CUBN: variants seen among roughly 807,000 people sequenced by gnomAD.
CUBN encodes the protein cubilin.
A neutral mutation model predicts 405.3 loss-of-function variants in CUBN; 282 were observed. That is an observed-to-expected ratio of 0.70 (90% confidence interval 0.63 to 0.77). The LOEUF (loss-of-function observed/expected upper bound fraction) is 0.77, where lower values mean the gene tolerates loss of function less well. Ranked by LOEUF, CUBN falls within the 30% of genes least tolerant of loss-of-function variation. The pLI is 0.00. For synonymous variants in CUBN, 1,684 were observed against 1,617.0 expected (o/e 1.04, Z -0.99); for missense variants, 4,514 against 4,475.2 (o/e 1.01, Z -0.25).
At chr10:16,879,881 A>G (rs950091425) in intron 56 of CUBN, among the ~76,000 whole-genome samples, 1 of 152,222 alleles carries the variant, frequency 6.6e-6, no homozygotes, top group African/African-American at 2.4e-5. Flanking sequence ...CTCTTGCAAG[A>G]TGGTGCAACC....
intron 43 of CUBN, among the ~76,000 whole-genome samples, chr10:16,924,062 C>G (rs1375324165): frequency 6.6e-6 from 1 of 151,940 alleles, no homozygotes; most frequent in African/African-American, 2.4e-5. Context: ...CAGAGAGACC[C>G]TGTCTCAAGA....
chr10:16,828,694 C>G (rs45442894), intron 66 of CUBN, 111 bp downstream of exon 66: 2 of 869,072 alleles, frequency 2.3e-6, no homozygotes, highest in East Asian at 2.6e-5. Flanking sequence ...TGCACTCCAG[C>G]CTGGGTGACA....
At chr10:17,072,816 T>C (rs934253037) in intron 17 of CUBN, among the ~76,000 whole-genome samples, 1 of 152,152 alleles carries the variant, frequency 6.6e-6, no homozygotes, top group Non-Finnish European at 1.5e-5. Flanking sequence ...ATGTGAAATC[T>C]ATGTACAACT....
intron 26 of CUBN, among the ~76,000 whole-genome samples, chr10:17,043,112 C>T (rs1238202466): frequency 6.6e-6 from 1 of 152,064 alleles, no homozygotes; most frequent in African/African-American, 2.4e-5. Flanking sequence ...GGTTTAGAGA[C>T]CATCTAATTT....
At chr10:17,111,503 G>A (rs896317701) in intron 8 of CUBN, among the ~76,000 whole-genome samples, 2 of 152,132 alleles carry the variant, frequency 1.3e-5, no homozygotes, top group Non-Finnish European at 2.9e-5. Context: ...TAGAAGCATA[G>A]CTGAACACCT....
At chr10:16,970,791 T>G (rs1053163859) in intron 31 of CUBN, among the ~76,000 whole-genome samples, 1 of 152,150 alleles carries the variant, frequency 6.6e-6, no homozygotes. Context: ...TTTCTGGATC[T>G]CAGTATCTTT....
At chr10:16,960,978 T>C (rs1481863509) in intron 31 of CUBN, among the ~76,000 whole-genome samples, 1 of 152,188 alleles carries the variant, frequency 6.6e-6, no homozygotes, top group African/African-American at 2.4e-5. Context: ...TCTGAACACA[T>C]GATATATTAT....
chr10:17,066,917 A>G (rs1835623320), intron 21 of CUBN, among the ~76,000 whole-genome samples: 2 of 152,134 alleles, frequency 1.3e-5, no homozygotes, highest in African/African-American at 4.8e-5. Flanking sequence ...AATGGCTCTC[A>G]AAACACTGGA....
intron 31 of CUBN, among the ~76,000 whole-genome samples, chr10:16,963,880 A>T (rs746041576): frequency 2.0e-5 from 3 of 152,250 alleles, no homozygotes; most frequent in Non-Finnish European, 4.4e-5. Context: ...GTATGGATAT[A>T]TGCATATAAT....
chr10:16,828,248 ATGTAAGTAACTCCAC>A (rs1269999257), intron 66 of CUBN, among the ~76,000 whole-genome samples: 1 of 152,180 alleles, frequency 6.6e-6, no homozygotes, highest in African/African-American at 2.4e-5. Flanking sequence ...TGGAAGTCTA[ATGTAAGTAACTCCAC>A]AGGTGATTCT....
Position 16,939,087 on chromosome 10 carries a change from T to C in CUBN, c.5609A>G (p.Glu1870Gly). The change falls in exon 38 of 67, where the codon GAA becomes GGA. Residue 1870 changes from glutamate (E) to glycine (G), a missense_variant. Transcript: ENST00000377833. ...HGKVASPFWPENYPHNSNYQW... is the reference protein window; with the variant it reads ...HGKVASPFWPGNYPHNSNYQW... ...GTAATTGGAGTTATGTGGGTAGTTT[T>C]CAGGCCAGAAAGGAGAGGCGACTTT... is the stretch of plus-strand genomic sequence containing the variant. The C allele has an allele frequency of 6.2e-7, 1 of 1,614,018 alleles. No individual in the cohort carries two copies. Among genetic ancestry groups the C allele is most frequent in the Non-Finnish European group, 8.5e-7 (1 of 1,179,908 alleles).
At chr10:17,080,883 G>A (rs925461267) in intron 17 of CUBN, among the ~76,000 whole-genome samples, 4 of 152,048 alleles carry the variant, frequency 2.6e-5, no homozygotes, top group Admixed American at 2.6e-4. Context: ...CAATTTAAAA[G>A]CTCTCTTCGA....
At chr10:16,868,267 C>T (rs1840244697) in intron 59 of CUBN, among the ~76,000 whole-genome samples, 1 of 152,174 alleles carries the variant, frequency 6.6e-6, no homozygotes, top group South Asian at 2.1e-4. Context: ...GCCTTCAAAA[C>T]ACAATGTCTA....
At chr10:16,993,088 T>C (rs1277701538) in intron 28 of CUBN, among the ~76,000 whole-genome samples, 1 of 152,224 alleles carries the variant, frequency 6.6e-6, no homozygotes, top group Non-Finnish European at 1.5e-5. Flanking sequence ...TACCACCTTT[T>C]ACTAAAATAC....
At chr10:16,832,362 T>C (rs142474388) in intron 64 of CUBN, among the ~76,000 whole-genome samples, 137 of 152,350 alleles carry the variant, frequency 9.0e-4, no homozygotes, top group African/African-American at 3.2e-3. Flanking sequence ...GTATCTTAAG[T>C]CACAAAGTTA....
intron 48 of CUBN, among the ~76,000 whole-genome samples, chr10:16,907,966 T>C (rs529154389): frequency 2.2e-4 from 34 of 152,254 alleles, no homozygotes; most frequent in Non-Finnish European, 3.7e-4. Flanking sequence ...GAAACTGTGC[T>C]CTCAATGTAA....
chr10:16,950,060 G>A lies in CUBN; in HGVS notation c.5021C>T (p.Thr1674Met), dbSNP rs747701083. ...AATTTCTACAAAGTCACGTGCACAC[G>A]TTGTGCTTCTTTCAAGTTCAAAGTG... is the stretch of plus-strand genomic sequence containing the variant. ...FTHFELERST[T>M]CARDFVEILD... Residue 1674 changes from threonine to methionine, a missense_variant, in exon 34 of 67, where the codon ACG (threonine) becomes ATG (methionine). Physicochemically the swap from Thr to Met is moderately conservative, Grantham distance 81. This residue lies in a region of CUBN where 1,613 missense variants were observed against 1,542.8 expected (regional missense o/e 1.05). Transcript: ENST00000377833. 39 of 1,613,998 alleles carry A rather than the reference G, an allele frequency of 2.4e-5. No homozygotes were observed. The Middle Eastern group carries it at 1.3e-3, about 55-fold the overall frequency.
chr10:17,045,855 G>C, intron 24 of CUBN, 79 bp downstream of exon 24: 1 of 1,428,730 alleles, frequency 7.0e-7, no homozygotes, highest in Non-Finnish European at 9.8e-7. Context: ...GACAAGTGAG[G>C]GACAGAGCAT....
At position 17,047,498 on chromosome 10, in the gene CUBN, G is replaced by C. The variant is rs779323180; in HGVS notation, c.3245C>G (p.Thr1082Ser). 2.5e-6 allele frequency: 4 copies of C among 1,613,796 alleles called. No homozygotes were observed. In the South Asian group the frequency reaches 4.4e-5, roughly 18 times the overall value. The change falls in exon 23 of 67, where the codon ACT becomes AGT. Residue 1082 changes from threonine to serine, a missense_variant. Physicochemically the swap from Thr to Ser is moderately conservative, Grantham distance 58 (BLOSUM62 1). Transcript: ENST00000377833. ...WECIYRITVR[T>S]GQLIAVHFTN... ...GAAGTGCACTGCAATCAGTTGGCCA[G>C]TTCTCACTGTGATCCGATAAATGCA...
Sources: gnomAD v4.1 joint callset for allele counts (sites outside exome capture counted in the v4.1 genomes callset) on GRCh38, gnomAD v4.1.1 for gene constraint, gnomAD v4.1.1 regional missense constraint, MANE v1.5 for transcripts, NCBI Gene and HGNC (gene_info 2026-07-23, HGNC 2026-07-21) for gene names.